The following AMPD1 variants were observed in gnomAD, a reference collection of about 807,000 sequenced individuals.
AMPD1 encodes the protein adenosine monophosphate deaminase 1.
Under a neutral mutation model 82.9 loss-of-function variants are expected in AMPD1, and 74 were observed. The observed-to-expected ratio is 0.89, with a 90% CI of 0.74 to 1.08. The LOEUF is 1.08. Among genes scored for constraint, AMPD1 ranks in the 50% least tolerant of loss-of-function variants. The pLI is 0.00. For missense variants in AMPD1, 881 were observed against 924.5 expected (o/e 0.95, Z 0.61); for synonymous variants, 333 against 320.5 (o/e 1.04, Z -0.42).
rs750118235 is a variant in AMPD1 at position 114,677,337 on chromosome 1, G to A, written c.1388+14C>T. ...AAGGGCAGGCTCTAGAGTTTCTGAT[G>A]GGCAGGTACATACTAGATCCTGGGA... On this transcript the variant is annotated intron_variant, in intron 10 of 15. Coordinates refer to ENST00000520113, the MANE Select transcript of AMPD1 (RefSeq NM_000036.3). The A allele has an allele frequency of 4.3e-6, 7 of 1,609,724 alleles. No homozygotes were observed. In the East Asian group the frequency reaches 1.6e-4, roughly 36 times the overall value.
intron 7 of AMPD1, among the ~76,000 whole-genome samples, chr1:114,679,034 T>C (rs1404754251): frequency 6.6e-6 from 1 of 152,240 alleles, no homozygotes; most frequent in Non-Finnish European, 1.5e-5. Flanking sequence ...GAATCTCTGC[T>C]CATATATTTC....
chr1:114,688,622 G>C lies in AMPD1; in HGVS notation c.154C>G (p.His52Asp). The C allele has an allele frequency of 1.2e-6, 2 of 1,614,192 alleles. No homozygotes were observed. The highest frequency in any genetic ancestry group is 1.7e-6 in the Non-Finnish European group (2 of 1,180,038). ...DVDEICPISH[H>D]EMQAHIFHLE... ...TGGAATATGTGTGCTTGCATCTCAT[G>C]ATGAGAAATCGGACAGATCTCATCC... is the stretch of plus-strand genomic sequence containing the variant. The change falls in exon 3 of 16, where the codon CAT (histidine) becomes GAT (aspartate). Residue 52 changes from histidine to aspartate, a missense_variant. This residue lies in a region of AMPD1 where 783 missense variants were observed against 786.4 expected (regional missense o/e 1.00). Transcript: ENST00000520113.
chr1:114,684,432 T>G, intron 4 of AMPD1, 68 bp from the exon 5 acceptor site: 1 of 1,534,850 alleles, frequency 6.5e-7, no homozygotes, highest in Non-Finnish European at 8.9e-7. Flanking sequence ...GAGTAAAGCT[T>G]ATCCTTGGCA....
At chr1:114,683,404 G>C (rs1409957513) in intron 5 of AMPD1, among the ~76,000 whole-genome samples, 1 of 152,090 alleles carries the variant, frequency 6.6e-6, no homozygotes, top group Non-Finnish European at 1.5e-5. Context: ...AAATGGAGCA[G>C]AGAAAGTAAG....
chr1:114,674,914 A>G (rs1657937800), intron 12 of AMPD1, 42 bp from the exon 13 acceptor site: 2 of 1,613,478 alleles, frequency 1.2e-6, no homozygotes, highest in Non-Finnish European at 1.7e-6. Flanking sequence ...GGTTCTGGGT[A>G]TGGAGTGATT....
intron 3 of AMPD1, among the ~76,000 whole-genome samples, chr1:114,688,173 G>T (rs184303194): frequency 6.6e-6 from 1 of 152,160 alleles, no homozygotes; most frequent in African/African-American, 2.4e-5. Context: ...TGTCACGCAG[G>T]CTGGAGTGCA....
chr1:114,676,400 G>A (rs996417466), intron 10 of AMPD1: 1 of 269,740 alleles, frequency 3.7e-6, no homozygotes, highest in Non-Finnish European at 7.2e-6. Context: ...CTCTGATATA[G>A]CATTTAATAT....
Position 114,684,429 on chromosome 1 carries a change from G to T in AMPD1, c.382-65C>A, listed in dbSNP as rs565341460. ...CACGAAAAACTGAGAAGTGAGTAAA[G>T]CTTATCCTTGGCACCTCCCAGCTCT... On this transcript the variant is annotated intron_variant, in intron 4 of 15. Coordinates refer to ENST00000520113, the MANE Select transcript of AMPD1 (RefSeq NM_000036.3). The T allele has an allele frequency of 5.1e-6, 8 of 1,553,598 alleles. No individual in the cohort carries two copies. In the East Asian group the frequency reaches 1.1e-4, roughly 22 times the overall value.
Position 114,684,180 on chromosome 1 carries a change from T to A in AMPD1, c.547+19A>T, listed in dbSNP as rs1557972186. 4 of 1,611,860 alleles carry A rather than the reference T, an allele frequency of 2.5e-6. No homozygotes were observed. The Admixed American group carries it at 6.7e-5, about 27-fold the overall frequency. ...TTTAAATAAAATATGTTTCATACATTATGTAAGAGAATTGTTACCTGGATA... is the reference window on the plus strand; with the variant it reads ...TTTAAATAAAATATGTTTCATACATAATGTAAGAGAATTGTTACCTGGATA... On this transcript the variant is annotated intron_variant, in intron 5 of 15. Coordinates refer to ENST00000520113, the MANE Select transcript of AMPD1 (RefSeq NM_000036.3).
chr1:114,685,494 T>C (rs1658286776), intron 4 of AMPD1, among the ~76,000 whole-genome samples: 1 of 152,194 alleles, frequency 6.6e-6, no homozygotes, highest in Non-Finnish European at 1.5e-5. Flanking sequence ...TACAACCAGG[T>C]AGAGCGTAGA....
At chr1:114,688,365 T>C (rs1658380501) in intron 3 of AMPD1, among the ~76,000 whole-genome samples, 196 bp downstream of exon 3, 1 of 152,188 alleles carries the variant, frequency 6.6e-6, no homozygotes, top group Admixed American at 6.5e-5. Context: ...TGTCCTCAAG[T>C]GATCCACCCA....
Position 114,673,694 on chromosome 1 carries a change from C to G in AMPD1, c.2030G>C (p.Cys677Ser). The change falls in exon 15 of 16, where the codon TGT (cysteine) becomes TCT (serine). Residue 677 changes from cysteine to serine, a missense_variant. This residue lies in a region of AMPD1 where 98 missense variants were observed against 138.1 expected (regional missense o/e 0.71). Coordinates refer to ENST00000520113, the MANE Select transcript of AMPD1 (RefSeq NM_000036.3). ...GTTCCTTGCCACTTCGCACATATCA[C>G]AGGTGCTCAGCTTGAAGACTTGTGC... ...IAAQVFKLST[C>S]DMCEVARNSV... The G allele has an allele frequency of 6.2e-7, 1 of 1,614,140 alleles. No individual in the cohort carries two copies. The highest frequency in any genetic ancestry group is 8.5e-7 in the Non-Finnish European group (1 of 1,180,012).
intron 2 of AMPD1, among the ~76,000 whole-genome samples, chr1:114,690,928 C>G (rs1658497977): frequency 6.6e-6 from 1 of 152,106 alleles, no homozygotes; most frequent in Non-Finnish European, 1.5e-5. Context: ...ATGCTGGAGG[C>G]CTCAGGAAGG....
Position 114,677,413 on chromosome 1 carries a change from C to T in AMPD1, c.1326G>A (p.Trp442Ter), listed in dbSNP as rs1196222756. 5 of 1,611,554 alleles carry T rather than the reference C, an allele frequency of 3.1e-6. No homozygotes were observed. Among genetic ancestry groups the T allele is most frequent in the South Asian group, 1.1e-5 (1 of 90,868 alleles). ...SPDEWSKLSS[W>*]FVCNRIHCPN... ...GGCAGTGGATGCGATTGCAGACGAA[C>T]CAGGAGGAGAGTTTGCTCCACTCAT... The change falls in exon 10 of 16, where the codon TGG becomes TGA. Residue 442 changes from tryptophan to a stop codon, truncating the protein, a stop_gained. Coordinates refer to ENST00000520113, the MANE Select transcript of AMPD1 (RefSeq NM_000036.3). LOFTEE classifies it high-confidence loss of function.
chr1:114,680,524 C>T lies in AMPD1; in HGVS notation c.548-46G>A, dbSNP rs559349868. ...GTAATATATTAGCACATAGGATGAA[C>T]GACCACATAAAAATAACCAAAATGT... On this transcript the variant is annotated intron_variant, in intron 5 of 15. Transcript: ENST00000520113. The T allele has an allele frequency of 8.8e-5, 136 of 1,550,976 alleles. No homozygotes were observed. In the East Asian group the frequency reaches 2.3e-3, roughly 26 times the overall value.
intron 9 of AMPD1, 74 bp from the exon 10 acceptor site, chr1:114,677,588 C>T: frequency 6.3e-7 from 1 of 1,582,250 alleles, no homozygotes; most frequent in Non-Finnish European, 8.7e-7. Flanking sequence ...GAGGAGATTC[C>T]CTTTCTAACT....
chr1:114,688,465 G>T, intron 3 of AMPD1, 96 bp downstream of exon 3: 2 of 1,411,362 alleles, frequency 1.4e-6, no homozygotes, highest in Non-Finnish European at 2.0e-6. Context: ...CTTCCTCTGA[G>T]TTGAACCATC....
chr1:114,692,711 A>C (rs1334663253), intron 2 of AMPD1, among the ~76,000 whole-genome samples: 1 of 151,984 alleles, frequency 6.6e-6, no homozygotes, highest in Non-Finnish European at 1.5e-5. Flanking sequence ...ACAAATAAAT[A>C]AAATAGGTTT....
At chr1:114,691,140 A>C (rs1658503704) in intron 2 of AMPD1, among the ~76,000 whole-genome samples, 1 of 152,248 alleles carries the variant, frequency 6.6e-6, no homozygotes, top group Non-Finnish European at 1.5e-5. Context: ...AGCAGCTTAC[A>C]TGATGACCAG....
Sources: gnomAD v4.1 joint callset for allele counts (sites outside exome capture counted in the v4.1 genomes callset) on GRCh38, gnomAD v4.1.1 for gene constraint, gnomAD v4.1.1 regional missense constraint, MANE v1.5 for transcripts, NCBI Gene and HGNC (gene_info 2026-07-23, HGNC 2026-07-21) for gene names.